Variants in SPTLC3 observed in about 807,000 individuals in gnomAD.
The protein encoded by SPTLC3 is serine palmitoyltransferase long chain base subunit 3, also known as serine palmitoyltransferase 3.
Under a neutral mutation model 59.3 loss-of-function variants are expected in SPTLC3, and 36 were observed. The observed-to-expected ratio is 0.61, with a 90% CI of 0.47 to 0.80. The LOEUF is 0.80. Ranked by LOEUF, SPTLC3 falls within the 30% of genes least tolerant of loss-of-function variation. The pLI, the probability that SPTLC3 is intolerant of heterozygous loss-of-function variation, is 0.00. For synonymous variants in SPTLC3, 257 were observed against 240.8 expected, an observed-to-expected ratio of 1.07 and a Z score of -0.62; for missense variants, 625 against 685.1, an observed-to-expected ratio of 0.91 and a Z score of 0.98.
intron 1 of SPTLC3, among the ~76,000 whole-genome samples, chr20:13,043,820 C>T (rs111865417): frequency 8.9e-4 from 135 of 152,328 alleles, no homozygotes; most frequent in African/African-American, 3.1e-3. Flanking sequence ...TAAGTCATCT[C>T]AGCTCCCTGT....
intron 2 of SPTLC3, among the ~76,000 whole-genome samples, chr20:13,059,692 A>G (rs1385759284): frequency 6.6e-6 from 1 of 152,024 alleles, no homozygotes; most frequent in Admixed American, 6.6e-5. Context: ...CACATTCATC[A>G]TTACTAGCTT....
chr20:13,079,130 T>TA (rs898298175), intron 4 of SPTLC3, among the ~76,000 whole-genome samples: 25 of 152,028 alleles, frequency 1.6e-4, no homozygotes, highest in Non-Finnish European at 2.6e-4. Context: ...AAGACATTTA[T>TA]AAAAAAAGAC....
intron 9 of SPTLC3, among the ~76,000 whole-genome samples, chr20:13,140,125 T>C (rs766653173): frequency 2.6e-5 from 4 of 152,184 alleles, no homozygotes; most frequent in Non-Finnish European, 5.9e-5. Flanking sequence ...CTGGAAGTCA[T>C]GCCAGAGGAG....
At chr20:13,154,489 T>C (rs145523044) in intron 10 of SPTLC3, among the ~76,000 whole-genome samples, 1 of 152,272 alleles carries the variant, frequency 6.6e-6, no homozygotes, top group African/African-American at 2.4e-5. Flanking sequence ...TCTCTCCCCA[T>C]ATTACCATAA....
intron 6 of SPTLC3, among the ~76,000 whole-genome samples, chr20:13,102,943 C>A (rs882302): frequency 0.068 from 10,414 of 152,140 alleles, 377 homozygotes; most frequent in South Asian, 0.11. Context: ...AGGCCCTGTC[C>A]CTAGCACCTG....
At chr20:13,024,246 T>C (rs993865793) in intron 1 of SPTLC3, among the ~76,000 whole-genome samples, 1 of 152,196 alleles carries the variant, frequency 6.6e-6, no homozygotes, top group Non-Finnish European at 1.5e-5. Flanking sequence ...AGGACCTGTC[T>C]TTTTATCATT....
intron 1 of SPTLC3, among the ~76,000 whole-genome samples, chr20:13,026,065 T>G (rs1986128304): frequency 6.6e-6 from 1 of 152,222 alleles, no homozygotes; most frequent in Non-Finnish European, 1.5e-5. Context: ...CTCTCGTTCT[T>G]TTTTATGGCT....
chr20:13,106,342 G>A (rs1380599726), intron 6 of SPTLC3, among the ~76,000 whole-genome samples: 1 of 152,114 alleles, frequency 6.6e-6, no homozygotes, highest in Non-Finnish European at 1.5e-5. Context: ...CTGACTTCAT[G>A]GAAGAGAGAC....
intron 6 of SPTLC3, 84 bp from the exon 7 acceptor site, chr20:13,110,028 A>C: frequency 8.6e-7 from 1 of 1,163,766 alleles, no homozygotes; most frequent in Non-Finnish European, 1.2e-6. Flanking sequence ...CTGAGTGTGA[A>C]CATAAAACAT....
intron 9 of SPTLC3, among the ~76,000 whole-genome samples, chr20:13,131,561 C>G (rs2038120709): frequency 6.6e-6 from 1 of 152,172 alleles, no homozygotes; most frequent in Non-Finnish European, 1.5e-5. Context: ...CTTTACCCAC[C>G]CTGGAGTTCT....
rs772926821 is a variant in SPTLC3 at position 13,093,574 on chromosome 20, A to C, written c.823A>C (p.Asn275His). The change falls in exon 6 of 12, where the codon AAC (asparagine) becomes CAC (histidine). Residue 275 changes from asparagine to histidine, a missense_variant. By Grantham distance (68) the Asn-to-His change is moderately conservative (BLOSUM62 1). Coordinates refer to ENST00000399002, the MANE Select transcript of SPTLC3 (RefSeq NM_018327.4). Reference protein sequence around the residue: ...SGATIRIFKHNNTQSLEKLLR... With the variant: ...SGATIRIFKHHNTQSLEKLLR... The stretch of plus-strand genomic sequence containing the variant: ...TGCAACCATAAGAATCTTCAAACAC[A>C]ACAGTGAGTATCAGTGTATTTTCTC... The C allele has an allele frequency of 1.9e-6, 3 of 1,613,166 alleles. No homozygotes were observed.
chr20:13,067,584 C>T (rs1295152295), intron 2 of SPTLC3, among the ~76,000 whole-genome samples: 2 of 151,926 alleles, frequency 1.3e-5, no homozygotes, highest in Admixed American at 1.3e-4. Flanking sequence ...ATTGTTTTTC[C>T]ATGGAACTTT....
intron 3 of SPTLC3, among the ~76,000 whole-genome samples, chr20:13,073,321 T>C (rs1988516638): frequency 6.6e-6 from 1 of 152,218 alleles, no homozygotes; most frequent in African/African-American, 2.4e-5. Context: ...CTGCTGTGCC[T>C]TGCTTATTTC....
intron 1 of SPTLC3, among the ~76,000 whole-genome samples, chr20:13,016,162 G>A (rs1402142714): frequency 1.3e-5 from 2 of 152,024 alleles, no homozygotes; most frequent in Non-Finnish European, 2.9e-5. Context: ...AATACAAAAG[G>A]TAAGGAAAGG....
chr20:13,102,440 A>G (rs764566861), intron 6 of SPTLC3, among the ~76,000 whole-genome samples: 12 of 152,208 alleles, frequency 7.9e-5, no homozygotes, highest in Non-Finnish European at 1.5e-4. Flanking sequence ...ACTTAGATAC[A>G]CAGAGCTAGT....
rs553734962 is a variant in SPTLC3 at position 13,064,081 on chromosome 20, G to GT, written c.304-8174dup. Among the ~76,000 whole-genome samples the GT allele has an allele frequency of 4.7e-4, 70 of 149,154 alleles. 2 individuals are homozygous for GT. In the South Asian group the frequency reaches 1.0e-2, roughly 21 times the overall value. On this transcript the variant is annotated intron_variant, in intron 2 of 11. Coordinates refer to ENST00000399002, the MANE Select transcript of SPTLC3 (RefSeq NM_018327.4). ...GTCTTGCTCTTTCGCCCAGGCTGGA[G>GT]TGCAGTGGTGTGATTTTGGCTCACT...
chr20:13,027,641 GCACACACACACACACACACACACA>G (rs57913044), intron 1 of SPTLC3, among the ~76,000 whole-genome samples: 1 of 144,140 alleles, frequency 6.9e-6, no homozygotes, highest in East Asian at 2.0e-4. Flanking sequence ...ATTTCAGCAC[GCACACACACACACACACACACACA>G]CACACACACA....
chr20:13,137,296 C>A (rs538070498), intron 9 of SPTLC3, among the ~76,000 whole-genome samples: 1 of 152,138 alleles, frequency 6.6e-6, no homozygotes. Flanking sequence ...GTTGCCTTGG[C>A]TGTAGAATTC....
intron 10 of SPTLC3, among the ~76,000 whole-genome samples, chr20:13,155,569 G>C (rs530860833): frequency 6.6e-6 from 1 of 152,282 alleles, no homozygotes; most frequent in South Asian, 2.1e-4. Flanking sequence ...GCTCATGCCT[G>C]TAATCCCATC....
Sources: gnomAD v4.1 joint callset for allele counts (sites outside exome capture counted in the v4.1 genomes callset) on GRCh38, gnomAD v4.1.1 for gene constraint, MANE v1.5 for transcripts, NCBI Gene and HGNC (gene_info 2026-07-23, HGNC 2026-07-21) for gene names.